The following DIS3L2 variants were observed in gnomAD, a reference collection of about 807,000 sequenced individuals.
DIS3L2 encodes the protein DIS3 like 3'-5' exoribonuclease 2.
Under a neutral mutation model 97.5 loss-of-function variants are expected in DIS3L2, and 34 were observed. That is an observed-to-expected ratio of 0.35 (90% confidence interval 0.27 to 0.46). The LOEUF (loss-of-function observed/expected upper bound fraction) is 0.46. DIS3L2 is among the 20% of genes least tolerant of loss of function. The pLI is 1.00. For missense variants in DIS3L2, 1,038 were observed against 1,146.0 expected, an observed-to-expected ratio of 0.91 and a Z score of 1.36; for synonymous variants, 435 against 445.2, an observed-to-expected ratio of 0.98 and a Z score of 0.29.
chr2:231,988,258 A>T (rs1333254759), intron 1 of DIS3L2, among the ~76,000 whole-genome samples: 1 of 152,146 alleles, frequency 6.6e-6, no homozygotes, highest in Non-Finnish European at 1.5e-5. Context: ...AGAATTTTGG[A>T]TTGCTCCAAA....
In DIS3L2 at chr2:232,330,721, A is replaced by C. The variant is rs943191449; in HGVS notation, c.1955A>C (p.Lys652Thr). 1.2e-6 allele frequency: 2 copies of C among 1,613,910 alleles called. No homozygotes were observed. Among genetic ancestry groups the C allele is most frequent in the Non-Finnish European group, 1.7e-6 (2 of 1,180,028 alleles). ...CTGACCCAAACATTTGGAGATGACA[A>C]GTACTCACTGGCCCGCAAGGAGGTG... The part of the protein sequence containing the change: ...KSLTQTFGDD[K>T]YSLARKEVLT... The change falls in exon 16 of 21, where the codon AAG becomes ACG. Residue 652 changes from lysine (K) to threonine (T), a missense_variant. By Grantham distance (78) the Lys-to-Thr change is moderately conservative (BLOSUM62 -1). Around this residue, in one of 3 missense-constraint regions of DIS3L2, gnomAD observed 813 missense variants for 880.1 expected, o/e 0.92. Coordinates refer to ENST00000325385, the MANE Select transcript of DIS3L2 (RefSeq NM_152383.5).
chr2:232,236,191 G>A (rs1285243016), intron 10 of DIS3L2, among the ~76,000 whole-genome samples: 5 of 152,006 alleles, frequency 3.3e-5, no homozygotes, highest in Non-Finnish European at 7.4e-5. Context: ...AGCATCCCAC[G>A]TTTAAGCATT....
At chr2:232,120,320 G>C (rs866894054) in intron 6 of DIS3L2, among the ~76,000 whole-genome samples, 1 of 152,180 alleles carries the variant, frequency 6.6e-6, no homozygotes. Context: ...GCATCCATGA[G>C]ATTTAGGTTC....
At chr2:232,050,688 G>C (rs1695376936) in intron 5 of DIS3L2, among the ~76,000 whole-genome samples, 1 of 152,168 alleles carries the variant, frequency 6.6e-6, no homozygotes, top group Non-Finnish European at 1.5e-5. Context: ...TTTATTTGGA[G>C]GATTTCCACC....
chr2:232,231,550 AAAT>A (rs1423646929), intron 10 of DIS3L2, among the ~76,000 whole-genome samples: 1 of 152,214 alleles, frequency 6.6e-6, no homozygotes, highest in East Asian at 1.9e-4. Context: ...AGAGAGAAAA[AAAT>A]AATAATAATT....
chr2:232,243,045 A>G (rs552481225), intron 11 of DIS3L2, among the ~76,000 whole-genome samples: 57 of 152,364 alleles, frequency 3.7e-4, no homozygotes, highest in African/African-American at 1.3e-3. Flanking sequence ...GGCTACCTTC[A>G]GGTACAGAAG....
At chr2:232,036,557 C>T (rs889470167) in intron 5 of DIS3L2, among the ~76,000 whole-genome samples, 5 of 152,322 alleles carry the variant, frequency 3.3e-5, no homozygotes, top group Non-Finnish European at 7.3e-5. Context: ...CAGTTTTGTT[C>T]TCTTGCTGGC....
chr2:232,190,698 C>G (rs1353134302), intron 9 of DIS3L2, among the ~76,000 whole-genome samples: 1 of 152,026 alleles, frequency 6.6e-6, no homozygotes, highest in Non-Finnish European at 1.5e-5. Flanking sequence ...ATTACAGATA[C>G]CTGTTTAGGT....
chr2:232,135,036 G>A (rs1479355912), intron 7 of DIS3L2, among the ~76,000 whole-genome samples: 3 of 152,156 alleles, frequency 2.0e-5, no homozygotes, highest in Non-Finnish European at 4.4e-5. Context: ...GAGCTGTGTG[G>A]TGGATTCATC....
intron 13 of DIS3L2, among the ~76,000 whole-genome samples, chr2:232,283,446 A>G (rs1468360332): frequency 6.6e-6 from 1 of 152,124 alleles, no homozygotes; most frequent in Non-Finnish European, 1.5e-5. Context: ...TAGTAGAGAT[A>G]AAGTCTTACC....
At chr2:232,173,154 G>GT (rs1364285460) in intron 9 of DIS3L2, among the ~76,000 whole-genome samples, 2 of 152,232 alleles carry the variant, frequency 1.3e-5, no homozygotes, top group African/African-American at 4.8e-5. Context: ...CGTTTAGTCT[G>GT]TTTTTTCTTT....
At chr2:232,043,318 A>G (rs920936741) in intron 5 of DIS3L2, among the ~76,000 whole-genome samples, 5 of 152,162 alleles carry the variant, frequency 3.3e-5, no homozygotes, top group Admixed American at 1.3e-4. Flanking sequence ...TCCAGAAGTG[A>G]TGGAGTCACT....
intron 6 of DIS3L2, among the ~76,000 whole-genome samples, chr2:232,128,768 A>G (rs1036187734): frequency 2.6e-5 from 4 of 152,086 alleles, no homozygotes; most frequent in African/African-American, 9.7e-5. Context: ...CAACTTTACT[A>G]TTCAGTGTGG....
Position 232,176,264 on chromosome 2 carries a change from A to T in DIS3L2, c.1124+12632A>T, listed in dbSNP as rs549555374. On this transcript the variant is annotated intron_variant, in intron 9 of 20. Transcript: ENST00000325385. ...ATACCATTGTTATTAGTATTCCCTT[A>T]TAATCCTTATTGTTTCTGTAAGATT... Among the ~76,000 whole-genome samples, 7 of 152,252 alleles carry T rather than the reference A, an allele frequency of 4.6e-5. 1 individual carries two copies. The South Asian group carries it at 1.4e-3, about 32-fold the overall frequency.
chr2:232,010,009 A>G (rs1485132869), intron 1 of DIS3L2, among the ~76,000 whole-genome samples: 2 of 152,106 alleles, frequency 1.3e-5, no homozygotes, highest in Non-Finnish European at 2.9e-5. Context: ...AGCTTGTCCT[A>G]CCCTGGTAGC....
chr2:231,989,875 G>C (rs1693536051), intron 1 of DIS3L2, among the ~76,000 whole-genome samples: 1 of 152,022 alleles, frequency 6.6e-6, no homozygotes, highest in Non-Finnish European at 1.5e-5. Flanking sequence ...ATAAGATGTA[G>C]GTTTTATTTG....
intron 9 of DIS3L2, among the ~76,000 whole-genome samples, chr2:232,187,085 A>G (rs1283229281): frequency 6.6e-6 from 1 of 152,230 alleles, no homozygotes; most frequent in Non-Finnish European, 1.5e-5. Context: ...CAACTTAACA[A>G]TAAAAAAGAC....
intron 5 of DIS3L2, among the ~76,000 whole-genome samples, chr2:232,080,900 CAAAA>C (rs34838591): frequency 1.6e-4 from 19 of 116,290 alleles, no homozygotes; most frequent in Non-Finnish European, 1.8e-4. Flanking sequence ...AGCTCTGTCT[CAAAA>C]AAAAAAAAAA....
intron 13 of DIS3L2, among the ~76,000 whole-genome samples, chr2:232,294,024 G>A (rs1437059549): frequency 6.6e-6 from 1 of 152,220 alleles, no homozygotes; most frequent in East Asian, 1.9e-4. Context: ...TGCCCACTTT[G>A]TCAGTCTTTG....
Sources: allele counts gnomAD v4.1 joint callset (sites outside exome capture counted in the v4.1 genomes callset), GRCh38; gene constraint gnomAD v4.1.1; regional missense constraint gnomAD v4.1.1; transcripts MANE v1.5; gene names NCBI Gene and HGNC (gene_info 2026-07-23, HGNC 2026-07-21).